The following SCFD2 variants were observed in gnomAD, a reference collection of about 807,000 sequenced individuals.
The protein encoded by SCFD2 is sec1 family domain containing 2.
A neutral mutation model predicts 58.9 loss-of-function variants in SCFD2; 54 were observed. The observed-to-expected ratio is 0.92, with a 90% CI of 0.74 to 1.15. The LOEUF is 1.15. SCFD2 is among the 50% of genes most tolerant of loss of function. The probability of loss-of-function intolerance (pLI) is 0.00; values close to 1 mark genes in which losing one functional copy is unlikely to be tolerated. For synonymous variants in SCFD2, 321 were observed against 335.9 expected, an observed-to-expected ratio of 0.96 and a Z score of 0.49; for missense variants, 805 against 836.6, an observed-to-expected ratio of 0.96 and a Z score of 0.47.
intron 5 of SCFD2, among the ~76,000 whole-genome samples, chr4:52,946,207 G>T (rs1344658412): frequency 6.6e-6 from 1 of 152,052 alleles, no homozygotes; most frequent in African/African-American, 2.4e-5. Flanking sequence ...CTGATGGTTT[G>T]CCAGCTATGT....
At chr4:53,041,847 C>T (rs1722908344) in intron 5 of SCFD2, among the ~76,000 whole-genome samples, 1 of 152,068 alleles carries the variant, frequency 6.6e-6, no homozygotes, top group Non-Finnish European at 1.5e-5. Flanking sequence ...GCTCTGTTTC[C>T]CAGAGTGTAT....
At chr4:53,127,280 G>A (rs1323917789) in intron 5 of SCFD2, among the ~76,000 whole-genome samples, 1 of 152,182 alleles carries the variant, frequency 6.6e-6, no homozygotes, top group Non-Finnish European at 1.5e-5. Flanking sequence ...CCAAAGCTAA[G>A]TTCATCTGGT....
chr4:53,007,392 AG>A, intron 5 of SCFD2, among the ~76,000 whole-genome samples: 1 of 94,176 alleles, frequency 1.1e-5, no homozygotes, highest in East Asian at 3.7e-4. Context: ...GAAAGAAGGA[AG>A]GAAGGAAGGA....
At chr4:52,882,865 C>A (rs1316553922) in intron 8 of SCFD2, among the ~76,000 whole-genome samples, 2 of 152,188 alleles carry the variant, frequency 1.3e-5, no homozygotes, top group African/African-American at 4.8e-5. Context: ...AATACACCCT[C>A]CAAGCCTCAA....
chr4:52,992,898 C>T (rs1054260841), intron 5 of SCFD2, among the ~76,000 whole-genome samples: 3 of 152,200 alleles, frequency 2.0e-5, no homozygotes, highest in African/African-American at 4.8e-5. Flanking sequence ...GGAGGTGTAC[C>T]CAACAGCTCA....
At chr4:53,328,894 T>C (rs1202940359) in intron 2 of SCFD2, among the ~76,000 whole-genome samples, 1 of 152,196 alleles carries the variant, frequency 6.6e-6, no homozygotes, top group Non-Finnish European at 1.5e-5. Context: ...GCGCGCACCA[T>C]GCGCGAGCCG....
At chr4:53,352,540 G>C in intron 2 of SCFD2, 58 bp downstream of exon 2, 2 of 1,408,658 alleles carry the variant, frequency 1.4e-6, no homozygotes, top group Non-Finnish European at 2.0e-6. Context: ...ACTCAGTCTA[G>C]GAGAAAAAGA....
At chr4:53,077,126 C>G (rs1724000522) in intron 5 of SCFD2, among the ~76,000 whole-genome samples, 3 of 152,070 alleles carry the variant, frequency 2.0e-5, no homozygotes, top group African/African-American at 4.8e-5. Context: ...GGTTATGAGC[C>G]TAAGTGTGAT....
At chr4:52,996,051 C>A (rs1044431895) in intron 5 of SCFD2, among the ~76,000 whole-genome samples, 13 of 152,208 alleles carry the variant, frequency 8.5e-5, no homozygotes, top group African/African-American at 2.9e-4. Flanking sequence ...CTTGGTACTG[C>A]CTTTTGAGTC....
At position 53,365,137 on chromosome 4, in the gene SCFD2, C is replaced by A. The variant is rs751333327; in HGVS notation, c.805G>T (p.Val269Leu). 5.6e-6 allele frequency: 9 copies of A among 1,614,106 alleles called. No homozygotes were observed. In the East Asian group the frequency reaches 6.7e-5, roughly 12 times the overall value. ...TCCAGGGTTCTGTCCACAAAAACCA[C>A]TGATGCCCTGCCTGCAGCAGTCTTC... is the stretch of plus-strand genomic sequence containing the variant. ...RKKTAAGRAS[V>L]VFVDRTLDLT... Residue 269 changes from valine (V) to leucine (L), a missense_variant, in exon 1 of 9, where the codon GTG becomes TTG. Transcript: ENST00000401642. This position sits in a 1 kb window ranked among gnomAD's most constrained non-coding sequence, Gnocchi z 4.3.
chr4:52,910,457 T>C (rs1458649176), intron 6 of SCFD2, among the ~76,000 whole-genome samples: 2 of 152,204 alleles, frequency 1.3e-5, no homozygotes, highest in Admixed American at 1.3e-4. Flanking sequence ...CTTGTATGTT[T>C]AAGCCACTGT....
intron 5 of SCFD2, among the ~76,000 whole-genome samples, chr4:53,108,901 G>C (rs954892573): frequency 3.3e-5 from 5 of 152,154 alleles, no homozygotes; most frequent in African/African-American, 7.2e-5. Context: ...AAACCTGGCA[G>C]AGACACAACA....
intron 5 of SCFD2, among the ~76,000 whole-genome samples, chr4:53,141,981 C>T (rs563439119): frequency 9.2e-5 from 14 of 152,190 alleles, no homozygotes; most frequent in Non-Finnish European, 1.8e-4. Context: ...CACTCATTTC[C>T]TCTGGAAACA....
At position 52,895,243 on chromosome 4, in the gene SCFD2, C is replaced by A. The variant is rs190631021; in HGVS notation, c.1843-9377G>T. On this transcript the variant is annotated intron_variant, in intron 7 of 8. Coordinates refer to ENST00000401642, the MANE Select transcript of SCFD2 (RefSeq NM_152540.4). ...CGTACAGGTTTGTTACATAAGTATACGTGTGCCATGTGGGTGTGCTGCACC... is the reference window on the plus strand; with the variant it reads ...CGTACAGGTTTGTTACATAAGTATAAGTGTGCCATGTGGGTGTGCTGCACC... 3.3e-5 allele frequency among the ~76,000 whole-genome samples: 5 copies of A among 151,986 alleles called. No homozygotes were observed. The South Asian group carries it at 8.3e-4, about 25-fold the overall frequency.
intron 4 of SCFD2, among the ~76,000 whole-genome samples, chr4:53,226,292 A>ACTG (rs1295716901): frequency 1.9e-4 from 29 of 152,140 alleles, no homozygotes; most frequent in Admixed American, 1.8e-3. Flanking sequence ...CATTATTGGT[A>ACTG]ATTATTTTTA....
At chr4:53,105,148 T>C (rs1724950587) in intron 5 of SCFD2, among the ~76,000 whole-genome samples, 1 of 152,052 alleles carries the variant, frequency 6.6e-6, no homozygotes, top group Admixed American at 6.5e-5. Flanking sequence ...AATGGTGCAC[T>C]CCGGCCCAGA....
At chr4:53,349,935 G>A (rs1322700480) in intron 2 of SCFD2, among the ~76,000 whole-genome samples, 3 of 152,030 alleles carry the variant, frequency 2.0e-5, no homozygotes, top group Admixed American at 2.0e-4. Context: ...TCAAATATAG[G>A]CCTCCACCAA....
At chr4:52,913,015 C>CA (rs1395296704) in intron 6 of SCFD2, among the ~76,000 whole-genome samples, 1 of 152,202 alleles carries the variant, frequency 6.6e-6, no homozygotes, top group East Asian at 1.9e-4. Context: ...ATCAAACACT[C>CA]TCTGCCAGTT....
At chr4:53,212,500 A>C (rs1328225098) in intron 4 of SCFD2, among the ~76,000 whole-genome samples, 4 of 151,018 alleles carry the variant, frequency 2.6e-5, no homozygotes, top group Non-Finnish European at 4.4e-5. Context: ...AATAATAAAT[A>C]ATTTGCCCAT....
Sources: allele counts gnomAD v4.1 joint callset (sites outside exome capture counted in the v4.1 genomes callset), GRCh38; gene constraint gnomAD v4.1.1; non-coding constraint Gnocchi (gnomAD v3.1); transcripts MANE v1.5; gene names NCBI Gene and HGNC (gene_info 2026-07-23, HGNC 2026-07-21).